TAPT1: variants seen among roughly 807,000 people sequenced by gnomAD.
The protein encoded by TAPT1 is transmembrane anterior posterior transformation protein 1 homolog.
TAPT1 carries 28 observed loss-of-function variants against 65.6 expected under a neutral mutation model. That is an observed-to-expected ratio of 0.43 (90% CI 0.32 to 0.59). The LOEUF is 0.59. Among genes scored for constraint, TAPT1 ranks in the 20% least tolerant of loss-of-function variants. The pLI is 0.09. For synonymous variants in TAPT1, 278 were observed against 245.2 expected, an observed-to-expected ratio of 1.13 and a Z score of -1.25; for missense variants, 563 against 679.9, an observed-to-expected ratio of 0.83 and a Z score of 1.91.
chr4:16,179,669 A>C lies in TAPT1; in HGVS notation c.917-12T>G. 1.4e-6 allele frequency: 2 copies of C among 1,436,830 alleles called. No homozygotes were observed. The highest frequency in any genetic ancestry group is 1.9e-6 in the Non-Finnish European group (2 of 1,056,210). 89.0% of individuals were successfully genotyped at this position (1,436,830 alleles called of 1,614,324 possible). On this transcript the variant is annotated splice_polypyrimidine_tract_variant and intron_variant, in intron 7 of 13. Coordinates refer to ENST00000405303, the MANE Select transcript of TAPT1 (RefSeq NM_153365.3). The stretch of plus-strand genomic sequence containing the variant: ...TCGTTCCTTAATATCTAAAAGAAAA[A>C]AAATCAACATAAGTACTGTAGTGTA...
intron 7 of TAPT1, among the ~76,000 whole-genome samples, chr4:16,184,896 A>C (rs905056866): frequency 2.6e-5 from 4 of 152,226 alleles, no homozygotes; most frequent in Admixed American, 2.6e-4. Context: ...TATGCATCTC[A>C]AATCTTTTCT....
intron 1 of TAPT1, 22 bp downstream of exon 1, chr4:16,226,237 G>A (rs1306420059): frequency 6.3e-6 from 7 of 1,110,364 alleles, no homozygotes; most frequent in Admixed American, 5.1e-5. Context: ...AGCCCGCCAC[G>A]GCCTAGCGCC....
chr4:16,180,486 T>C (rs1050672870), intron 7 of TAPT1, among the ~76,000 whole-genome samples: 4 of 152,170 alleles, frequency 2.6e-5, no homozygotes, highest in Admixed American at 6.5e-5. Flanking sequence ...CAAAAGCTTT[T>C]TTACAGTCTG....
At chr4:16,173,482 G>A (rs1177814423) in intron 11 of TAPT1, among the ~76,000 whole-genome samples, 3 of 151,374 alleles carry the variant, frequency 2.0e-5, no homozygotes, top group Non-Finnish European at 1.5e-5. Context: ...GCAGTGGCAC[G>A]ATCTCGGCTC....
intron 2 of TAPT1, among the ~76,000 whole-genome samples, chr4:16,209,587 G>T (rs1750542780): frequency 6.6e-6 from 1 of 152,104 alleles, no homozygotes; most frequent in Non-Finnish European, 1.5e-5. Flanking sequence ...CTTAGACAAG[G>T]GACAATTTTG....
chr4:16,223,552 T>C (rs983701684), intron 1 of TAPT1, among the ~76,000 whole-genome samples: 1 of 152,180 alleles, frequency 6.6e-6, no homozygotes, highest in East Asian at 1.9e-4. Flanking sequence ...ATTCTAACTA[T>C]GTTAAAAGGT....
At chr4:16,220,991 C>T (rs183706332) in intron 1 of TAPT1, among the ~76,000 whole-genome samples, 1 of 152,150 alleles carries the variant, frequency 6.6e-6, no homozygotes, top group Non-Finnish European at 1.5e-5. Flanking sequence ...GCCTTGGCCT[C>T]TCCAAGTGCT....
intron 4 of TAPT1, chr4:16,190,224 C>CA (rs1749282084): frequency 6.6e-6 from 1 of 152,342 alleles, no homozygotes; most frequent in Non-Finnish European, 1.5e-5. Flanking sequence ...GAAAGGCCAG[C>CA]AGCCCCCACC....
intron 1 of TAPT1, among the ~76,000 whole-genome samples, chr4:16,215,575 G>C (rs1409033941): frequency 6.6e-6 from 1 of 152,150 alleles, no homozygotes; most frequent in Non-Finnish European, 1.5e-5. Context: ...ACCTGGAGTT[G>C]AAACAGAAGA....
chr4:16,225,109 G>A (rs1278009688), intron 1 of TAPT1, among the ~76,000 whole-genome samples: 1 of 152,196 alleles, frequency 6.6e-6, no homozygotes, highest in South Asian at 2.1e-4. Flanking sequence ...ACCAAATAAA[G>A]TATGGTTGAG....
intron 1 of TAPT1, among the ~76,000 whole-genome samples, chr4:16,221,505 T>A (rs1751253937): frequency 6.6e-6 from 1 of 152,184 alleles, no homozygotes; most frequent in African/African-American, 2.4e-5. Context: ...AGAAAAAGCA[T>A]AGTATAAATT....
At chr4:16,185,540 G>C (rs913791912) in intron 7 of TAPT1, among the ~76,000 whole-genome samples, 1 of 151,814 alleles carries the variant, frequency 6.6e-6, no homozygotes, top group Non-Finnish European at 1.5e-5. Flanking sequence ...AGCTAATTTT[G>C]GTATTTTTAG....
chr4:16,201,601 G>A (rs780061113), intron 3 of TAPT1, among the ~76,000 whole-genome samples: 8 of 152,130 alleles, frequency 5.3e-5, no homozygotes, highest in Non-Finnish European at 1.2e-4. Context: ...AAAGAAAACC[G>A]TAAAAGCCAA....
intron 3 of TAPT1, among the ~76,000 whole-genome samples, chr4:16,191,993 CAT>C (rs1749404333): frequency 6.6e-6 from 1 of 152,186 alleles, no homozygotes; most frequent in African/African-American, 2.4e-5. Context: ...TTTTTGGCAG[CAT>C]AGTGTTCCAC....
intron 1 of TAPT1, among the ~76,000 whole-genome samples, chr4:16,224,766 T>G (rs989176298): frequency 6.6e-6 from 1 of 152,194 alleles, no homozygotes; most frequent in Non-Finnish European, 1.5e-5. Context: ...AGTCCAGGTA[T>G]CCAGTCCCAG....
upstream of TAPT1, chr4:16,227,259 T>C: frequency 2.2e-6 from 1 of 455,492 alleles, no homozygotes; most frequent in Non-Finnish European, 4.4e-6. Flanking sequence ...CCACACTGTC[T>C]TTCGGGACTG....
chr4:16,174,382 C>G, intron 10 of TAPT1, 110 bp from the exon 11 acceptor site: 1 of 941,640 alleles, frequency 1.1e-6, no homozygotes. Context: ...GGCTATGGAG[C>G]AAGAACAGAA....
intron 1 of TAPT1, among the ~76,000 whole-genome samples, chr4:16,223,786 A>G (rs951574676): frequency 6.6e-6 from 1 of 152,264 alleles, no homozygotes; most frequent in East Asian, 1.9e-4. Context: ...AAAACAAAAA[A>G]TGAACCTCAG....
intron 3 of TAPT1, among the ~76,000 whole-genome samples, chr4:16,200,092 A>C (rs1284669707): frequency 6.6e-6 from 1 of 152,170 alleles, no homozygotes; most frequent in Non-Finnish European, 1.5e-5. Flanking sequence ...TACGTGTGCT[A>C]ACCAATGCCC....
Sources: allele counts gnomAD v4.1 joint callset (sites outside exome capture counted in the v4.1 genomes callset), GRCh38; gene constraint gnomAD v4.1.1; transcripts MANE v1.5; gene names NCBI Gene and HGNC (gene_info 2026-07-23, HGNC 2026-07-21).